The following RSPH9 variants were observed in gnomAD, a reference collection of about 807,000 sequenced individuals.
RSPH9 encodes the protein radial spoke head protein 9 homolog.
In RSPH9, 27 loss-of-function variants were observed where a neutral mutation model predicts 27.0. The observed-to-expected ratio is 1.00, with a 90% confidence interval of 0.74 to 1.38. RSPH9 has a LOEUF of 1.38. Among genes scored for constraint, RSPH9 ranks in the 40% most tolerant of loss-of-function variants. The probability of loss-of-function intolerance (pLI) is 0.00; values close to 1 mark genes in which losing one functional copy is unlikely to be tolerated. For synonymous variants in RSPH9, 145 were observed against 147.7 expected (o/e 0.98, Z 0.13); for missense variants, 347 against 357.4 (o/e 0.97, Z 0.24).
Position 43,650,405 on chromosome 6 carries a change from C to T in RSPH9, c.258C>T (p.Pro86=). 6.2e-7 allele frequency: 1 copy of T among 1,613,678 alleles called. No homozygotes were observed. The highest frequency in any genetic ancestry group is 8.5e-7 in the Non-Finnish European group (1 of 1,179,972). ...SLNCTEWSLL[P]PATEEMVAQS... ...ACTGCACAGAGTGGAGCCTCTTGCC[C>T]CCTGCCACAGAGGAGATGGTGGCGC... Residue 86 remains proline, a synonymous_variant, in exon 2 of 5, where the codon CCC becomes CCT. Coordinates refer to ENST00000372163, the MANE Select transcript of RSPH9 (RefSeq NM_152732.5).
chr6:43,666,451 T>G (rs898555143), intron 4 of RSPH9: 5 of 1,550,402 alleles, frequency 3.2e-6, no homozygotes, highest in Non-Finnish European at 4.4e-6. Context: ...CAGGGTGACT[T>G]CACGTGGCTT....
chr6:43,669,583 G>C (rs1179760941), intron 4 of RSPH9, among the ~76,000 whole-genome samples: 2 of 152,272 alleles, frequency 1.3e-5, no homozygotes. Context: ...GAAGGCCTCA[G>C]AGAAGCTCTC....
chr6:43,670,480 A>G (rs1221176946), intron 4 of RSPH9, among the ~76,000 whole-genome samples: 2 of 152,138 alleles, frequency 1.3e-5, no homozygotes, highest in Non-Finnish European at 2.9e-5. Context: ...GTGCATGCCC[A>G]TGGTCCCAGC....
rs79220717 is a variant in RSPH9 at position 43,665,075 on chromosome 6, T to G, written c.671-5714T>G. On this transcript the variant is annotated intron_variant, in intron 4 of 4. Transcript: ENST00000372163. ...AGAATCAGAAGATGAAACTCTCCTT[T>G]GTGCTGGGTGAGAGGGGCTGGTGCA... is the stretch of plus-strand genomic sequence containing the variant. Among the ~76,000 whole-genome samples, 475 of 152,334 alleles carry G rather than the reference T, an allele frequency of 3.1e-3. 3 individuals are homozygous for G. Among genetic ancestry groups the G allele is most frequent in the African/African-American group, 0.011 (440 of 41,572 alleles).
chr6:43,650,947 CA>C (rs149566893), intron 2 of RSPH9, among the ~76,000 whole-genome samples: 7,492 of 148,608 alleles, frequency 0.05, 292 homozygotes, highest in African/African-American at 0.1. Flanking sequence ...ATTATGGCAA[CA>C]AGTACGATCA....
chr6:43,652,735 T>TG (rs1490150242), intron 2 of RSPH9, among the ~76,000 whole-genome samples: 1 of 151,480 alleles, frequency 6.6e-6, no homozygotes, highest in East Asian at 2.0e-4. Context: ...TTCCGGTTTT[T>TG]TTTTTTTTTT....
At chr6:43,670,284 G>C (rs1284689216) in intron 4 of RSPH9, among the ~76,000 whole-genome samples, 2 of 152,208 alleles carry the variant, frequency 1.3e-5, no homozygotes, top group African/African-American at 4.8e-5. Flanking sequence ...CCCTCCCTCT[G>C]AAAGTGGTTT....
At chr6:43,668,745 A>C (rs1352793820) in intron 4 of RSPH9, among the ~76,000 whole-genome samples, 1 of 152,232 alleles carries the variant, frequency 6.6e-6, no homozygotes, top group Non-Finnish European at 1.5e-5. Flanking sequence ...GGCAGCACCT[A>C]GCCCAGGCAG....
At chr6:43,668,216 A>G (rs1264328815) in intron 4 of RSPH9, among the ~76,000 whole-genome samples, 1 of 152,164 alleles carries the variant, frequency 6.6e-6, no homozygotes, top group Non-Finnish European at 1.5e-5. Flanking sequence ...CAGCCTGTTC[A>G]GCAGTTGCAG....
intron 1 of RSPH9, among the ~76,000 whole-genome samples, chr6:43,648,515 G>A (rs1266435675): frequency 6.6e-6 from 1 of 152,218 alleles, no homozygotes; most frequent in African/African-American, 2.4e-5. Context: ...GAGTGTTGTA[G>A]GATACAAGGT....
intron 1 of RSPH9, among the ~76,000 whole-genome samples, 157 bp from the exon 2 acceptor site, chr6:43,650,218 C>G (rs920390748): frequency 4.6e-5 from 7 of 152,160 alleles, no homozygotes; most frequent in African/African-American, 1.7e-4. Context: ...CCAGTCAGCA[C>G]TTGGGGCTTC....
chr6:43,648,977 T>A (rs1416349696), intron 1 of RSPH9, among the ~76,000 whole-genome samples: 1 of 152,030 alleles, frequency 6.6e-6, no homozygotes. Flanking sequence ...AGCAGTTTCT[T>A]GAAGTGGTGG....
At chr6:43,664,821 C>A (rs1314649502) in intron 4 of RSPH9, among the ~76,000 whole-genome samples, 1 of 152,238 alleles carries the variant, frequency 6.6e-6, no homozygotes, top group African/African-American at 2.4e-5. Context: ...CCCTCATCTC[C>A]TCCATCTCTG....
Position 43,671,705 on chromosome 6 carries a change from T to C in RSPH9, c.*756T>C. ...ATAGTTGTGGCCAAGGGCTTGTGAG[T>C]GGGCCTCCTACTCCCCAGCACAGGT... On this transcript the variant is annotated 3_prime_UTR_variant, in exon 5 of 5. Transcript: ENST00000372163. 1 of 1,604,268 alleles carries C rather than the reference T, an allele frequency of 6.2e-7. No homozygotes were observed. Among genetic ancestry groups the C allele is most frequent in the Non-Finnish European group, 8.5e-7 (1 of 1,172,098 alleles).
chr6:43,670,987 A>G lies in RSPH9; in HGVS notation c.*38A>G, dbSNP rs1428032005. ...CCTGGATGTTTTTAAACAGAGTCTA[A>G]ACATGATTTTCTTAAGCTTCAGTGA... On this transcript the variant is annotated 3_prime_UTR_variant, in exon 5 of 5. Coordinates refer to ENST00000372163, the MANE Select transcript of RSPH9 (RefSeq NM_152732.5). 6.2e-7 allele frequency: 1 copy of G among 1,613,318 alleles called. No individual in the cohort carries two copies. Among genetic ancestry groups the G allele is most frequent in the Non-Finnish European group, 8.5e-7 (1 of 1,179,758 alleles).
At position 43,645,166 on chromosome 6, in the gene RSPH9, A is replaced by AC; in HGVS notation, c.70dup (p.Arg24ProfsTer13). The AC allele has an allele frequency of 6.2e-7, 1 of 1,613,630 alleles. No homozygotes were observed. Among genetic ancestry groups the AC allele is most frequent in the Non-Finnish European group, 8.5e-7 (1 of 1,179,982 alleles). On this transcript the variant is annotated frameshift_variant, in exon 1 of 5. Coordinates refer to ENST00000372163, the MANE Select transcript of RSPH9 (RefSeq NM_152732.5). LOFTEE classifies it high-confidence loss of function. ...GGCAGTGGGCAGGGCCTCAGCCCGG[A>AC]CCGTCGGGCCTCGCTGCTCACGTCT...
Position 43,654,615 on chromosome 6 carries a change from G to A in RSPH9, c.394-947G>A, listed in dbSNP as rs1771820337. 4.6e-5 allele frequency among the ~76,000 whole-genome samples: 7 copies of A among 152,130 alleles called. No individual in the cohort carries two copies. The South Asian group carries it at 1.2e-3, about 27-fold the overall frequency. ...AGGTGGGTGGATCACCTGAGGTCAG[G>A]AGTTCAAGACCAGCCTGGCCAACAT... On this transcript the variant is annotated intron_variant, in intron 2 of 4. Transcript: ENST00000372163.
intron 3 of RSPH9, 145 bp from the exon 4 acceptor site, chr6:43,656,432 T>C: frequency 1.0e-6 from 1 of 954,944 alleles, no homozygotes; most frequent in Non-Finnish European, 1.7e-6. Context: ...ACTGAGGGAA[T>C]GCTAATCCCT....
Position 43,645,087 on chromosome 6 carries a change from G to C in RSPH9, c.-12G>C. 6.2e-7 allele frequency: 1 copy of C among 1,608,512 alleles called. No homozygotes were observed. Among genetic ancestry groups the C allele is most frequent in the Non-Finnish European group, 8.5e-7 (1 of 1,179,064 alleles). On this transcript the variant is annotated 5_prime_UTR_variant, in exon 1 of 5. Coordinates refer to ENST00000372163, the MANE Select transcript of RSPH9 (RefSeq NM_152732.5). ...AGCAACTCGACGGGCGTTGAGCGGAGCCGCTGACCTGATGGACGCCGACAG... is the reference window on the plus strand; with the variant it reads ...AGCAACTCGACGGGCGTTGAGCGGACCCGCTGACCTGATGGACGCCGACAG...
Sources: allele counts gnomAD v4.1 joint callset (sites outside exome capture counted in the v4.1 genomes callset), GRCh38; gene constraint gnomAD v4.1.1; transcripts MANE v1.5; gene names NCBI Gene and HGNC (gene_info 2026-07-23, HGNC 2026-07-21).